Variants in IGSF21 observed in about 807,000 individuals in gnomAD.
The protein encoded by IGSF21 is immunoglobulin superfamily member 21.
A neutral mutation model predicts 46.8 loss-of-function variants in IGSF21; 28 were observed. The observed-to-expected ratio is 0.60, with a 90% CI of 0.44 to 0.82. IGSF21 has a LOEUF of 0.82. IGSF21 is among the 40% of genes least tolerant of loss of function. The pLI, the probability that IGSF21 is intolerant of heterozygous loss-of-function variation, is 0.00. For missense variants in IGSF21, 624 were observed against 665.5 expected (o/e 0.94, Z 0.69); for synonymous variants, 284 against 273.6 (o/e 1.04, Z -0.38).
chr1:18,249,002 G>A (rs997052908), intron 2 of IGSF21, among the ~76,000 whole-genome samples: 1 of 152,116 alleles, frequency 6.6e-6, no homozygotes, highest in Admixed American at 6.5e-5. Flanking sequence ...GGGAGCCTGC[G>A]CAGGCCTCCT....
chr1:18,338,416 C>T (rs1228488289), intron 4 of IGSF21, among the ~76,000 whole-genome samples: 3 of 152,140 alleles, frequency 2.0e-5, no homozygotes, highest in Non-Finnish European at 4.4e-5. Flanking sequence ...TTGTGCCACA[C>T]GGGACCCTAA....
At chr1:18,237,291 C>G (rs1184388879) in intron 2 of IGSF21, among the ~76,000 whole-genome samples, 1 of 152,122 alleles carries the variant, frequency 6.6e-6, no homozygotes, top group African/African-American at 2.4e-5. Flanking sequence ...GACAACTATT[C>G]CCAAAACTTC....
At chr1:18,183,763 G>T (rs1570312414) in intron 1 of IGSF21, among the ~76,000 whole-genome samples, 1 of 152,136 alleles carries the variant, frequency 6.6e-6, no homozygotes, top group African/African-American at 2.4e-5. Flanking sequence ...TCATTCTGAG[G>T]TCCCAGCTGA....
chr1:18,316,457 C>T (rs2085544193), intron 3 of IGSF21, among the ~76,000 whole-genome samples: 1 of 152,166 alleles, frequency 6.6e-6, no homozygotes, highest in Non-Finnish European at 1.5e-5. Flanking sequence ...TCTGCATGGA[C>T]TCTCCTTTGT....
chr1:18,125,169 C>T (rs987294), intron 1 of IGSF21, among the ~76,000 whole-genome samples: 98,598 of 152,072 alleles, frequency 0.65, 32,376 homozygotes, highest in Non-Finnish European at 0.68. Context: ...ACAGCACTCC[C>T]AGCTGCCCCA....
intron 3 of IGSF21, among the ~76,000 whole-genome samples, chr1:18,303,843 A>G (rs1001504803): frequency 2.0e-5 from 3 of 152,172 alleles, no homozygotes; most frequent in African/African-American, 7.2e-5. Context: ...GGTGAGGGAC[A>G]CAGGCATCCA....
chr1:18,261,445 T>C (rs2084945910), intron 2 of IGSF21, among the ~76,000 whole-genome samples: 1 of 152,198 alleles, frequency 6.6e-6, no homozygotes, highest in Non-Finnish European at 1.5e-5. Flanking sequence ...CAGTTTACCA[T>C]TGCCATGCCA....
intron 2 of IGSF21, among the ~76,000 whole-genome samples, chr1:18,273,424 C>CTCA (rs1557618258): frequency 7.1e-5 from 10 of 141,760 alleles, no homozygotes; most frequent in African/African-American, 2.7e-4. Flanking sequence ...CTTTTCCTTT[C>CTCA]CTTTCCTTTC....
At chr1:18,254,894 C>G (rs370519444) in intron 2 of IGSF21, among the ~76,000 whole-genome samples, 3 of 152,002 alleles carry the variant, frequency 2.0e-5, no homozygotes, top group Non-Finnish European at 2.9e-5. Flanking sequence ...ATCCATCCCT[C>G]CATTCATCCA....
intron 4 of IGSF21, among the ~76,000 whole-genome samples, chr1:18,353,508 G>A (rs746431029): frequency 3.9e-5 from 6 of 152,138 alleles, no homozygotes; most frequent in African/African-American, 1.2e-4. Context: ...TGAGGGTATC[G>A]GAGGAAAAGA....
intron 1 of IGSF21, among the ~76,000 whole-genome samples, chr1:18,127,005 G>A (rs1222441924): frequency 1.3e-5 from 2 of 152,052 alleles, no homozygotes; most frequent in Admixed American, 6.5e-5. Context: ...CCCTCCCCAC[G>A]TACCCCATGC....
intron 1 of IGSF21, among the ~76,000 whole-genome samples, chr1:18,181,999 A>T (rs1467815590): frequency 6.6e-6 from 1 of 152,198 alleles, no homozygotes; most frequent in African/African-American, 2.4e-5. Flanking sequence ...AGCTGTACTC[A>T]GATTCAGAAC....
chr1:18,338,735 C>T (rs1052289124), intron 4 of IGSF21, among the ~76,000 whole-genome samples: 4 of 152,118 alleles, frequency 2.6e-5, no homozygotes, highest in African/African-American at 4.8e-5. Context: ...TTGGGAGTCC[C>T]GTGGGTGACA....
At chr1:18,278,389 C>A (rs2085124669) in intron 2 of IGSF21, among the ~76,000 whole-genome samples, 1 of 151,156 alleles carries the variant, frequency 6.6e-6, no homozygotes, top group Non-Finnish European at 1.5e-5. Flanking sequence ...ACAGGCGCCC[C>A]CCCAACACAC....
Position 18,313,955 on chromosome 1 carries a change from G to A in IGSF21, c.306-20937G>A, listed in dbSNP as rs748672383. On this transcript the variant is annotated intron_variant, in intron 3 of 9. Coordinates refer to ENST00000251296, the MANE Select transcript of IGSF21 (RefSeq NM_032880.5). ...TTTATTACAGCCGTCTCAGGAAGAC[G>A]TGAAAATTTGGCTCTGATCAAATTA... Among the ~76,000 whole-genome samples, 10 of 152,176 alleles carry A rather than the reference G, an allele frequency of 6.6e-5. No homozygotes were observed. The East Asian group carries it at 1.2e-3, about 18-fold the overall frequency.
At chr1:18,218,375 T>A (rs530321424) in intron 1 of IGSF21, among the ~76,000 whole-genome samples, 1 of 152,334 alleles carries the variant, frequency 6.6e-6, no homozygotes, top group South Asian at 2.1e-4. Flanking sequence ...GTATTACGAT[T>A]CGACATGAGA....
At chr1:18,244,124 A>G (rs2124520673) in intron 2 of IGSF21, among the ~76,000 whole-genome samples, 1 of 152,332 alleles carries the variant, frequency 6.6e-6, no homozygotes, top group Non-Finnish European at 1.5e-5. Flanking sequence ...ACTTTTGCCA[A>G]TGCAGCATTC....
intron 1 of IGSF21, among the ~76,000 whole-genome samples, chr1:18,190,976 G>A (rs1421794425): frequency 1.3e-5 from 2 of 152,140 alleles, no homozygotes; most frequent in African/African-American, 2.4e-5. Context: ...CTGACACATC[G>A]CTGGAATGGA....
intron 2 of IGSF21, among the ~76,000 whole-genome samples, chr1:18,261,784 T>C (rs1202267604): frequency 2.0e-5 from 3 of 152,186 alleles, no homozygotes; most frequent in Admixed American, 6.5e-5. Context: ...CTTGGGTCTG[T>C]CCTAGGCAGG....
Sources: allele counts gnomAD v4.1 joint callset (sites outside exome capture counted in the v4.1 genomes callset), GRCh38; gene constraint gnomAD v4.1.1; transcripts MANE v1.5; gene names NCBI Gene and HGNC (gene_info 2026-07-23, HGNC 2026-07-21).